Variants in IL7 observed in about 807,000 individuals in gnomAD.
IL7 encodes interleukin-7.
Under a neutral mutation model 21.6 loss-of-function variants are expected in IL7, and 3 were observed. That is an observed-to-expected ratio of 0.14 (90% confidence interval 0.06 to 0.36). The LOEUF (loss-of-function observed/expected upper bound fraction) is 0.36, where lower values mean the gene tolerates loss of function less well. IL7 is among the 10% of genes least tolerant of loss of function. The pLI, the probability that IL7 is intolerant of heterozygous loss-of-function variation, is 1.00. For missense variants in IL7, 175 were observed against 200.2 expected (o/e 0.87, Z 0.76); for synonymous variants, 62 against 68.1 (o/e 0.91, Z 0.44).
intron 4 of IL7, among the ~76,000 whole-genome samples, chr8:78,685,254 C>T (rs200592989): frequency 5.7e-5 from 1 of 17,522 alleles, no homozygotes; most frequent in Non-Finnish European, 2.0e-4. Context: ...ACTGCATAGC[C>T]ATGTTAAAAA....
chr8:78,717,124 G>C (rs147808240), downstream of IL7, among the ~76,000 whole-genome samples: 878 of 151,816 alleles, frequency 5.8e-3, 8 homozygotes, highest in African/African-American at 0.02. Flanking sequence ...GTAAATTCTC[G>C]TAACACAGAT....
chr8:78,715,072 G>T, downstream of IL7: 1 of 648,692 alleles, frequency 1.5e-6, no homozygotes, highest in Non-Finnish European at 2.4e-6. Context: ...ACTACTATTT[G>T]CTTTCAGATT....
rs1271124162 is a variant in IL7 at position 78,696,698 on chromosome 8, G to A, written n.215-10751C>T. 5.9e-5 allele frequency among the ~76,000 whole-genome samples: 9 copies of A among 152,288 alleles called. No individual in the cohort carries two copies. In the East Asian group the frequency reaches 1.7e-3, roughly 29 times the overall value. On this transcript the variant is annotated intron_variant and non_coding_transcript_variant, in intron 3 of 4. Transcript: ENST00000523959. ...CATTAATTTAAGATGGTCTGGTGAG[G>A]ATCGTGAAGCCAGAATTAGCTCTTT...
chr8:78,760,164 G>A (rs2130759554), intron 2 of IL7: 2 of 1,520,496 alleles, frequency 1.3e-6, no homozygotes, highest in East Asian at 4.5e-5. Flanking sequence ...CACAGTTTCG[G>A]AATTATCTGT....
intron 3 of IL7, among the ~76,000 whole-genome samples, chr8:78,692,500 A>G (rs901047438): frequency 6.6e-6 from 1 of 152,190 alleles, no homozygotes; most frequent in African/African-American, 2.4e-5. Flanking sequence ...TAGACATGAC[A>G]TGGTAGGTAA....
At chr8:78,708,562 T>TA (rs549929700) in intron 3 of IL7, among the ~76,000 whole-genome samples, 34 of 151,506 alleles carry the variant, frequency 2.2e-4, no homozygotes, top group Non-Finnish European at 4.6e-4. Context: ...TTTTTAAATG[T>TA]AAAAAAAAGC....
intron 2 of IL7, among the ~76,000 whole-genome samples, chr8:78,771,402 A>G (rs1016673065): frequency 3.3e-5 from 5 of 152,134 alleles, no homozygotes; most frequent in South Asian, 2.1e-4. Context: ...TTCCGCTGAC[A>G]TAAGGATTTT....
chr8:78,736,890 G>A (rs1473412590), intron 4 of IL7, among the ~76,000 whole-genome samples: 2 of 151,882 alleles, frequency 1.3e-5, no homozygotes, highest in Non-Finnish European at 2.9e-5. Flanking sequence ...TTAAATCCTG[G>A]CCATACATTT....
chr8:78,767,653 T>C (rs562517758), intron 2 of IL7, among the ~76,000 whole-genome samples: 1 of 152,254 alleles, frequency 6.6e-6, no homozygotes, highest in South Asian at 2.1e-4. Context: ...TGTTTTAATA[T>C]TTACAATAGC....
At chr8:78,760,762 T>C in intron 2 of IL7, 1 of 1,541,630 alleles carries the variant, frequency 6.5e-7, no homozygotes, top group Non-Finnish European at 8.7e-7. Context: ...CTCTGCGGAA[T>C]TTCCCAGGGA....
chr8:78,801,300 T>C (rs1814050889), intron 1 of IL7, among the ~76,000 whole-genome samples: 1 of 152,236 alleles, frequency 6.6e-6, no homozygotes, highest in Admixed American at 6.5e-5. Context: ...CACATAATGT[T>C]ACTCTTTACC....
At chr8:78,737,813 A>G (rs1256047232) in intron 4 of IL7, among the ~76,000 whole-genome samples, 1 of 152,160 alleles carries the variant, frequency 6.6e-6, no homozygotes, top group Non-Finnish European at 1.5e-5. Context: ...TAAATAATAC[A>G]AATAAAATAA....
chr8:78,697,475 G>A (rs750516008), intron 3 of IL7: 64 of 1,608,502 alleles, frequency 4.0e-5, no homozygotes, highest in South Asian at 3.0e-4. Context: ...CACGATTACC[G>A]CAGCCAAGTG....
chr8:78,686,042 C>T (rs1272997178), intron 3 of IL7: 1 of 152,256 alleles, frequency 6.6e-6, no homozygotes, highest in Non-Finnish European at 1.5e-5. Flanking sequence ...CCCTCAATAA[C>T]TAATCTGCTA....
At chr8:78,767,238 G>C (rs1586085433) in intron 2 of IL7, among the ~76,000 whole-genome samples, 1 of 151,760 alleles carries the variant, frequency 6.6e-6, no homozygotes, top group Non-Finnish European at 1.5e-5. Context: ...GTGTGTCTGT[G>C]TTTATCTCTT....
chr8:78,738,701 T>G, intron 3 of IL7, 66 bp from the exon 4 acceptor site: 2 of 1,491,616 alleles, frequency 1.3e-6, no homozygotes, highest in Admixed American at 1.9e-5. Context: ...TAAGCTTTCT[T>G]AAGGAGCCTA....
At chr8:78,732,101 G>C (rs1811435612), downstream of IL7, among the ~76,000 whole-genome samples, 1 of 151,970 alleles carries the variant, frequency 6.6e-6, no homozygotes, top group African/African-American at 2.4e-5. Flanking sequence ...TGTACCACAT[G>C]GTTGACCATG....
Position 78,678,657 on chromosome 8 carries a change from C to G in IL7, n.274-2553G>C, listed in dbSNP as rs758360240. 1.1e-5 allele frequency: 17 copies of G among 1,608,786 alleles called. No homozygotes were observed. In the South Asian group the frequency reaches 1.6e-4, roughly 15 times the overall value. ...AGAGCTGAAGGAACTGATATTCCAA[C>G]AGTAAAACCTCTCAAACCGAGGGTA... is the stretch of plus-strand genomic sequence containing the variant. On this transcript the variant is annotated intron_variant and non_coding_transcript_variant, in intron 4 of 4. Coordinates refer to the IL7 transcript ENST00000523959.
rs144961844 is a variant in IL7 at position 78,795,074 on chromosome 8, G to C, written c.147+2998C>G. On this transcript the variant is annotated intron_variant, in intron 2 of 5. Transcript: ENST00000263851. The stretch of plus-strand genomic sequence containing the variant: ...GGTCACTTATAAACTGGATAACCCT[G>C]GGCCTCAGATTCTTCTGTTGTGAAA... 3.1e-4 allele frequency among the ~76,000 whole-genome samples: 47 copies of C among 152,134 alleles called. 1 individual carries two copies. In the East Asian group the frequency reaches 8.9e-3, roughly 29 times the overall value.
Sources: allele counts gnomAD v4.1 joint callset (sites outside exome capture counted in the v4.1 genomes callset), GRCh38; gene constraint gnomAD v4.1.1; transcripts MANE v1.5; gene names NCBI Gene and HGNC (gene_info 2026-07-23, HGNC 2026-07-21).